The following IGSF11 variants were observed in gnomAD, a reference collection of about 807,000 sequenced individuals.
IGSF11 encodes CXADR like 1.
A neutral mutation model predicts 41.0 loss-of-function variants in IGSF11; 22 were observed. The observed-to-expected ratio is 0.54, with a 90% CI of 0.38 to 0.77. The LOEUF (loss-of-function observed/expected upper bound fraction) is 0.77. IGSF11 is among the 30% of genes least tolerant of loss of function. IGSF11 has a pLI of 0.00. For synonymous variants in IGSF11, 219 were observed against 201.3 expected, an observed-to-expected ratio of 1.09 and a Z score of -0.74; for missense variants, 444 against 530.8, an observed-to-expected ratio of 0.84 and a Z score of 1.61.
chr3:118,949,324 GAAAAA>G (rs61410871), intron 1 of IGSF11: 7 of 111,620 alleles, frequency 6.3e-5, no homozygotes, highest in Admixed American at 5.3e-4. Context: ...GCCACCTGAG[GAAAAA>G]AAAAAAAAAA....
At chr3:119,073,097 A>T (rs1291902694) in intron 1 of IGSF11, among the ~76,000 whole-genome samples, 1 of 152,068 alleles carries the variant, frequency 6.6e-6, no homozygotes. Context: ...CAGAGTGGTG[A>T]TTGGTGTGTT....
chr3:119,120,478 G>A (rs1224088659), intron 1 of IGSF11, among the ~76,000 whole-genome samples: 1 of 152,152 alleles, frequency 6.6e-6, no homozygotes, highest in African/African-American at 2.4e-5. Context: ...GAGAAAAAAG[G>A]TTTCCTCATG....
At position 118,975,363 on chromosome 3, in the gene IGSF11, T is replaced by TA. The variant is rs376307753; in HGVS notation, c.53-45089dup. On this transcript the variant is annotated intron_variant, in intron 1 of 6. Coordinates refer to ENST00000393775, the MANE Select transcript of IGSF11 (RefSeq NM_001015887.3). ...AATAAATTTGTAGCCCTGCTGGATT[T>TA]AAAAAAAAAAAAAAAAGATGTGCTC... Among the ~76,000 whole-genome samples, 596 of 140,730 alleles carry TA rather than the reference T, an allele frequency of 4.2e-3. 3 individuals are homozygous for TA. Among genetic ancestry groups the TA allele is most frequent in the African/African-American group, 0.01 (393 of 37,954 alleles). 92.3% of individuals were successfully genotyped at this position (140,730 alleles called of 152,430 possible). A position where few individuals can be genotyped will look rare whatever the true frequency, so the allele number is the denominator to read the frequency against.
At chr3:118,916,903 C>G (rs1038686514) in intron 4 of IGSF11, among the ~76,000 whole-genome samples, 4 of 152,084 alleles carry the variant, frequency 2.6e-5, no homozygotes, top group South Asian at 2.1e-4. Flanking sequence ...TTATAACAAA[C>G]TGTCTCTCAG....
At chr3:119,083,126 C>CTTTTTTTT (rs79620142) in intron 1 of IGSF11, among the ~76,000 whole-genome samples, 27 of 129,052 alleles carry the variant, frequency 2.1e-4, no homozygotes, top group African/African-American at 6.1e-4. Context: ...TTTCTTTTTT[C>CTTTTTTTT]TTTTTTTTTT....
intron 1 of IGSF11, among the ~76,000 whole-genome samples, chr3:118,969,068 G>A (rs1484448286): frequency 6.6e-6 from 1 of 151,866 alleles, no homozygotes; most frequent in Admixed American, 6.6e-5. Context: ...GAGAACACAA[G>A]AGAAAAACAG....
At chr3:118,931,870 C>T (rs1375726464) in intron 1 of IGSF11, among the ~76,000 whole-genome samples, 6 of 151,840 alleles carry the variant, frequency 4.0e-5, no homozygotes, top group African/African-American at 1.5e-4. Flanking sequence ...GTAGATGGGA[C>T]TACAGGCGCC....
chr3:119,048,971 T>C (rs917598305), intron 1 of IGSF11, among the ~76,000 whole-genome samples: 15 of 152,212 alleles, frequency 9.9e-5, no homozygotes, highest in African/African-American at 2.9e-4. Flanking sequence ...AAACTCTCAA[T>C]AAATTAGGTA....
intron 1 of IGSF11, among the ~76,000 whole-genome samples, chr3:118,985,636 C>T (rs1263175181): frequency 6.6e-6 from 1 of 152,174 alleles, no homozygotes; most frequent in Non-Finnish European, 1.5e-5. Flanking sequence ...TACATATACC[C>T]AACAAAAGAA....
At chr3:119,115,976 G>A (rs1384859907) in intron 1 of IGSF11, among the ~76,000 whole-genome samples, 1 of 152,136 alleles carries the variant, frequency 6.6e-6, no homozygotes, top group African/African-American at 2.4e-5. Flanking sequence ...CTTCTGAAAT[G>A]ACAAAACGAG....
intron 1 of IGSF11, among the ~76,000 whole-genome samples, chr3:118,972,956 TA>T (rs1933616663): frequency 6.6e-6 from 1 of 152,204 alleles, no homozygotes; most frequent in Admixed American, 6.5e-5. Context: ...AAGATGCATG[TA>T]CTGTGAAGGA....
At chr3:119,105,485 T>G (rs1284911355), upstream of IGSF11, among the ~76,000 whole-genome samples, 1 of 152,174 alleles carries the variant, frequency 6.6e-6, no homozygotes, top group Non-Finnish European at 1.5e-5. Context: ...GAATGGATAC[T>G]ACTTTTCCAC....
chr3:119,029,847 G>T (rs1254443182), intron 1 of IGSF11, among the ~76,000 whole-genome samples: 1 of 152,120 alleles, frequency 6.6e-6, no homozygotes, highest in Non-Finnish European at 1.5e-5. Flanking sequence ...CAATATATTA[G>T]AGTTACATTC....
At chr3:118,941,811 T>A (rs543600525) in intron 1 of IGSF11, among the ~76,000 whole-genome samples, 29 of 152,284 alleles carry the variant, frequency 1.9e-4, no homozygotes, top group Middle Eastern at 3.4e-3. Flanking sequence ...AAACTTCTGA[T>A]ATATGCAAAA....
At chr3:119,071,118 C>T (rs757609657) in intron 1 of IGSF11, among the ~76,000 whole-genome samples, 5 of 152,108 alleles carry the variant, frequency 3.3e-5, no homozygotes, top group South Asian at 2.1e-4. Context: ...ATGTGAAACA[C>T]CAGAATCATA....
intron 1 of IGSF11, among the ~76,000 whole-genome samples, chr3:119,097,834 A>AGGCT (rs1455987633): frequency 6.6e-6 from 1 of 152,164 alleles, no homozygotes; most frequent in East Asian, 1.9e-4. Flanking sequence ...TCTGTCACCC[A>AGGCT]GGCTGGAGTG....
In IGSF11 at chr3:119,048,855, G is replaced by A. The variant is rs535725560; in HGVS notation, c.49+56289C>T. Among the ~76,000 whole-genome samples the A allele has an allele frequency of 7.5e-3, 1,131 of 151,792 alleles. 15 individuals carry two copies. Among genetic ancestry groups the A allele is most frequent in the African/African-American group, 0.026 (1,056 of 41,168 alleles). ...AGGCTGGTTCAATATATGCAAATCA[G>A]TAAATGTAATCCAGCATATAAACAG... On this transcript the variant is annotated intron_variant, in intron 1 of 6. Transcript: ENST00000354673.
chr3:118,982,289 T>C (rs949676805), intron 1 of IGSF11, among the ~76,000 whole-genome samples: 3 of 152,090 alleles, frequency 2.0e-5, no homozygotes, highest in African/African-American at 7.2e-5. Context: ...AATACCAAAT[T>C]AGAGGAAAAT....
At chr3:118,914,071 T>C (rs1940712716) in intron 4 of IGSF11, among the ~76,000 whole-genome samples, 1 of 152,156 alleles carries the variant, frequency 6.6e-6, no homozygotes, top group Admixed American at 6.6e-5. Context: ...TTTTTACTTC[T>C]AGACTACATT....
Sources: allele counts gnomAD v4.1 joint callset (sites outside exome capture counted in the v4.1 genomes callset), GRCh38; gene constraint gnomAD v4.1.1; transcripts MANE v1.5; gene names NCBI Gene and HGNC (gene_info 2026-07-23, HGNC 2026-07-21).